Variants in ELAVL1 observed in about 807,000 individuals in gnomAD.
ELAVL1 encodes the protein ELAV like RNA binding protein 1.
ELAVL1 carries 1 observed loss-of-function variant against 28.4 expected under a neutral mutation model. The observed-to-expected ratio is 0.04, with a 90% CI of 0.01 to 0.17. ELAVL1 has a LOEUF of 0.17. Ranked by LOEUF, ELAVL1 falls within the 10% of genes least tolerant of loss-of-function variation. ELAVL1 has a pLI of 1.00. For missense variants in ELAVL1, 157 were observed against 447.2 expected, an observed-to-expected ratio of 0.35 and a Z score of 5.85; for synonymous variants, 174 against 183.5, an observed-to-expected ratio of 0.95 and a Z score of 0.42.
At chr19:7,987,366 C>A (rs1189685923) in intron 2 of ELAVL1, among the ~76,000 whole-genome samples, 1 of 152,160 alleles carries the variant, frequency 6.6e-6, no homozygotes, top group East Asian at 1.9e-4. Context: ...ACATATGGGG[C>A]CACTGTGGAG....
At chr19:7,991,596 A>G in intron 2 of ELAVL1, 48 bp downstream of exon 2, 1 of 1,567,122 alleles carries the variant, frequency 6.4e-7, no homozygotes, top group Admixed American at 1.8e-5. Context: ...CAGTGCCCAA[A>G]GGATGGCCAC....
At chr19:7,995,404 CT>C (rs1313738923) in intron 1 of ELAVL1, among the ~76,000 whole-genome samples, 1 of 152,178 alleles carries the variant, frequency 6.6e-6, no homozygotes, top group African/African-American at 2.4e-5. Context: ...TGGACAATGG[CT>C]GTCCCAGGCT....
intron 1 of ELAVL1, among the ~76,000 whole-genome samples, chr19:7,998,359 CCT>C (rs1410389599): frequency 6.6e-6 from 1 of 152,220 alleles, no homozygotes; most frequent in South Asian, 2.1e-4. Context: ...TCTGGTATTC[CCT>C]GTCAGTGGTC....
chr19:7,975,615 T>C lies in ELAVL1; in HGVS notation c.277-1737A>G, dbSNP rs180998476. ...CAGGTCTTTTTCTGGCTGCCCATTC[T>C]CAAGAATTCATCCAGTGAGGGGTTC... On this transcript the variant is annotated intron_variant, in intron 3 of 5. Transcript: ENST00000407627. 4.9e-3 allele frequency among the ~76,000 whole-genome samples: 747 copies of C among 152,334 alleles called. 1 individual carries two copies. The highest frequency in any genetic ancestry group is 8.6e-3 in the Non-Finnish European group (588 of 68,024).
rs1984844305 is a variant in ELAVL1, at chr19:7,962,697, T to C, written c.*786A>G. On this transcript the variant is annotated 3_prime_UTR_variant, in exon 6 of 6. Transcript: ENST00000407627. ...TATCCAATGTGTGGGGCGCTGTGCA[T>C]GCAATGTGTGGACAGAAACTCGGGA... 6.5e-6 allele frequency: 1 copy of C among 152,724 alleles called. No homozygotes were observed. Among genetic ancestry groups the C allele is most frequent in the African/African-American group, 2.4e-5 (1 of 41,482 alleles). The allele number at this position is 152,724 out of a possible 1,614,324, so 9.5% of individuals were successfully genotyped here. A position where few individuals can be genotyped will look rare whatever the true frequency, so the allele number is the denominator to read the frequency against.
chr19:7,969,670 G>A lies in ELAVL1; in HGVS notation c.431-1880C>T, dbSNP rs912691276. Reference sequence around the variant, plus strand: ...AATCGAACTTTAGGCAAATACGACTGAGAGCTGACGCTGGCCGGCTCGTAG... The same window carrying A: ...AATCGAACTTTAGGCAAATACGACTAAGAGCTGACGCTGGCCGGCTCGTAG... On this transcript the variant is annotated intron_variant, in intron 4 of 5. Coordinates refer to ENST00000407627, the MANE Select transcript of ELAVL1 (RefSeq NM_001419.3). Among the ~76,000 whole-genome samples the A allele has an allele frequency of 2.0e-5, 3 of 152,156 alleles. No individual in the cohort carries two copies. In the South Asian group the frequency reaches 6.2e-4, roughly 32 times the overall value.
rs904238075 is a variant in ELAVL1, at chr19:7,979,005, C to T, written c.276+2078G>A. 6.6e-6 allele frequency among the ~76,000 whole-genome samples: 1 copy of T among 152,236 alleles called. No homozygotes were observed. The highest frequency in any genetic ancestry group is 2.4e-5 in the African/African-American group (1 of 41,468). On this transcript the variant is annotated intron_variant, in intron 3 of 5. Transcript: ENST00000407627. The surrounding 1 kb of genome is among the most constrained non-coding windows in gnomAD (Gnocchi z 5.4). ...GGGATCCGAAGTCCCTCAGTATCAACGTATCTGGCCCAGCACCACACTGGC... is the reference window on the plus strand; with the variant it reads ...GGGATCCGAAGTCCCTCAGTATCAATGTATCTGGCCCAGCACCACACTGGC...
intron 1 of ELAVL1, chr19:8,002,287 C>CA (rs1421117162): frequency 2.3e-6 from 1 of 431,582 alleles, no homozygotes; most frequent in Non-Finnish European, 4.4e-6. Flanking sequence ...CTCCAGGAAG[C>CA]ATTCTGGGCT....
chr19:7,963,861 T>C lies in ELAVL1; in HGVS notation c.657-54A>G. 1.9e-6 allele frequency: 3 copies of C among 1,568,720 alleles called. No individual in the cohort carries two copies. The highest frequency in any genetic ancestry group is 2.3e-5 in the East Asian group (1 of 43,414). ...ACGGTCAGCGCAGGCGGCCTGGGGA[T>C]GGGGCAAGGCCTGGACGCATGCTGA... On this transcript the variant is annotated intron_variant, in intron 5 of 5. Coordinates refer to ENST00000407627, the MANE Select transcript of ELAVL1 (RefSeq NM_001419.3). The surrounding 1 kb of genome is among the most constrained non-coding windows in gnomAD (Gnocchi z 4.5).
intron 3 of ELAVL1, among the ~76,000 whole-genome samples, chr19:7,976,921 C>A (rs1985314148): frequency 6.6e-6 from 1 of 150,852 alleles, no homozygotes; most frequent in Admixed American, 6.6e-5. Context: ...CTCCTGGGCT[C>A]AAGTGATCCT....
chr19:7,990,524 G>A (rs1231291311), intron 2 of ELAVL1, among the ~76,000 whole-genome samples: 2 of 150,206 alleles, frequency 1.3e-5, no homozygotes, highest in African/African-American at 4.9e-5. Flanking sequence ...GGGCCACCAC[G>A]CCCAGCTAAG....
intron 4 of ELAVL1, chr19:7,973,501 A>T (rs2145206457): frequency 3.4e-6 from 2 of 588,882 alleles, no homozygotes; most frequent in East Asian, 5.8e-5. Context: ...AAGTGCTGGG[A>T]TTACAGGCGT....
intron 1 of ELAVL1, 75 bp from the exon 2 acceptor site, chr19:7,991,906 T>C (rs1985761013): frequency 8.4e-7 from 1 of 1,185,714 alleles, no homozygotes; most frequent in African/African-American, 1.6e-5. Flanking sequence ...AGTAACTGCA[T>C]TTGCACTTAG....
rs1201674887 is a variant in ELAVL1, at chr19:7,962,441, G to A, written c.*1042C>T. ...TTTAAAACTACAAATCAAAGGTTTT[G>A]GTTAATAGATAACTGGCAAGAAGTA... On this transcript the variant is annotated 3_prime_UTR_variant, in exon 6 of 6. Transcript: ENST00000407627. 6.6e-6 allele frequency: 1 copy of A among 152,608 alleles called. No homozygotes were observed. The highest frequency in any genetic ancestry group is 1.5e-5 in the Non-Finnish European group (1 of 68,022). The allele number at this position is 152,608 out of a possible 1,614,324, so 9.5% of individuals were successfully genotyped here. A position where few individuals can be genotyped will look rare whatever the true frequency, so the allele number is the denominator to read the frequency against.
chr19:7,966,046 A>G (rs950665918), intron 5 of ELAVL1, among the ~76,000 whole-genome samples: 1 of 152,188 alleles, frequency 6.6e-6, no homozygotes, highest in Non-Finnish European at 1.5e-5. Context: ...TTCACTGTTA[A>G]AACAACGATG....
intron 5 of ELAVL1, among the ~76,000 whole-genome samples, chr19:7,966,490 C>A (rs901621771): frequency 6.6e-6 from 1 of 152,216 alleles, no homozygotes; most frequent in Non-Finnish European, 1.5e-5. Flanking sequence ...ACAAATGACT[C>A]CACGAGGCAG....
chr19:7,991,612 C>G (rs745403835), intron 2 of ELAVL1, 32 bp downstream of exon 2: 1 of 1,592,752 alleles, frequency 6.3e-7, no homozygotes, highest in Admixed American at 1.7e-5. Flanking sequence ...GCCACCAATA[C>G]CCGGTTTACT....
At chr19:7,964,808 A>G (rs1048379166) in intron 5 of ELAVL1, among the ~76,000 whole-genome samples, 6 of 152,218 alleles carry the variant, frequency 3.9e-5, no homozygotes, top group African/African-American at 1.4e-4. Context: ...TCCCTCTGGA[A>G]CTTTCTCACA....
At chr19:7,971,109 G>A (rs985120780) in intron 4 of ELAVL1, among the ~76,000 whole-genome samples, 1 of 152,214 alleles carries the variant, frequency 6.6e-6, no homozygotes, top group Non-Finnish European at 1.5e-5. Context: ...GAGGTTCACA[G>A]CCGACCCTGG....
Sources: allele counts gnomAD v4.1 joint callset (sites outside exome capture counted in the v4.1 genomes callset), GRCh38; gene constraint gnomAD v4.1.1; non-coding constraint Gnocchi (gnomAD v3.1); transcripts MANE v1.5; gene names NCBI Gene and HGNC (gene_info 2026-07-23, HGNC 2026-07-21).